The following SLC2A8 variants were observed in gnomAD, a reference collection of about 807,000 sequenced individuals.
SLC2A8 encodes solute carrier family 2, facilitated glucose transporter member 8.
In SLC2A8, 53 loss-of-function variants were observed where a neutral mutation model predicts 49.2. The ratio of observed to expected loss-of-function variants is 1.08; its 90% CI spans 0.86 to 1.35. SLC2A8 has a LOEUF of 1.35. Among genes scored for constraint, SLC2A8 ranks in the 40% most tolerant of loss-of-function variants. The pLI, the probability that SLC2A8 is intolerant of heterozygous loss-of-function variation, is 0.00. For missense variants in SLC2A8, 688 were observed against 671.7 expected, an observed-to-expected ratio of 1.02 and a Z score of -0.27; for synonymous variants, 299 against 297.0, an observed-to-expected ratio of 1.01 and a Z score of -0.07.
chr9:127,407,614 C>T lies in SLC2A8; in HGVS notation c.*365C>T. 5.4e-6 allele frequency: 2 copies of T among 369,958 alleles called. No individual in the cohort carries two copies. Among genetic ancestry groups the T allele is most frequent in the Middle Eastern group, 7.7e-4 (2 of 2,592 alleles). The allele number at this position is 369,958 out of a possible 1,614,324, so 22.9% of individuals were successfully genotyped here. ...GCATTCAGTCGCTCCTCTCACGCGG[C>T]TGCCTTATCGGGAAGGAAATTTGTT... On this transcript the variant is annotated 3_prime_UTR_variant, in exon 10 of 10. Coordinates refer to ENST00000373371, the MANE Select transcript of SLC2A8 (RefSeq NM_014580.5).
intron 8 of SLC2A8, 37 bp from the exon 9 acceptor site, chr9:127,405,383 G>A (rs548474242): frequency 1.2e-6 from 2 of 1,606,196 alleles, no homozygotes; most frequent in African/African-American, 2.7e-5. Flanking sequence ...CAGCCCTGCG[G>A]ACCCTGATGC....
At chr9:127,402,889 C>A in intron 5 of SLC2A8, 136 bp downstream of exon 5, 1 of 1,131,254 alleles carries the variant, frequency 8.8e-7, no homozygotes, top group Non-Finnish European at 1.2e-6. Context: ...TCAGCGAGGA[C>A]AGGCCCAGTG....
At chr9:127,397,773 AG>A in intron 2 of SLC2A8, 131 bp from the exon 3 acceptor site, 1 of 1,091,288 alleles carries the variant, frequency 9.2e-7, no homozygotes, top group Non-Finnish European at 1.2e-6. Context: ...CGGGCCCCTC[AG>A]CCCCCTACCC....
At position 127,402,707 on chromosome 9, in the gene SLC2A8, G is replaced by C. The variant is rs578108884; in HGVS notation, c.677G>C (p.Trp226Ser). ...GCCATGGCCGCCCTGCGGTTCCTGT[G>C]GGGCTCCGAGCAGGGCTGGGAAGAC... ...QEAMAALRFL[W>S]GSEQGWEDPP... Residue 226 changes from tryptophan (W) to serine (S), a missense_variant, in exon 5 of 10, where the codon TGG becomes TCG. Physicochemically the swap from Trp to Ser is radical, Grantham distance 177. Transcript: ENST00000373371. 5.1e-6 allele frequency: 8 copies of C among 1,561,612 alleles called. No homozygotes were observed. In the South Asian group the frequency reaches 9.4e-5, roughly 18 times the overall value.
chr9:127,403,614 C>T (rs370868603), intron 5 of SLC2A8, 46 bp from the exon 6 acceptor site: 100 of 1,609,308 alleles, frequency 6.2e-5, no homozygotes, highest in Non-Finnish European at 8.2e-5. Flanking sequence ...GGGCCGCTTG[C>T]GGGAGGGGAG....
rs980053877 is a variant in SLC2A8, at chr9:127,404,504, C to T, written c.977-314C>T. The T allele has an allele frequency of 8.9e-5, 33 of 370,270 alleles. No homozygotes were observed. In the South Asian group the frequency reaches 1.5e-3, roughly 17 times the overall value. 22.9% of individuals were successfully genotyped at this position (370,270 alleles called of 1,614,324 possible). On this transcript the variant is annotated intron_variant, in intron 7 of 9. Transcript: ENST00000373371. ...TGAGGCCTTCAGCAAGAGCTGCGGCCCACGGACATTTGGTACCCAGCAGCT... is the reference window on the plus strand; with the variant it reads ...TGAGGCCTTCAGCAAGAGCTGCGGCTCACGGACATTTGGTACCCAGCAGCT...
intron 4 of SLC2A8, among the ~76,000 whole-genome samples, chr9:127,400,590 C>G (rs1833247561): frequency 6.6e-6 from 1 of 152,152 alleles, no homozygotes; most frequent in African/African-American, 2.4e-5. Context: ...AGTGACAAAC[C>G]AGAGGGCTCC....
Position 127,397,299 on chromosome 9 carries a change from G to A in SLC2A8, c.56+13G>A, listed in dbSNP as rs757831801. The A allele has an allele frequency of 2.2e-6, 3 of 1,385,002 alleles. No individual in the cohort carries two copies. The highest frequency in any genetic ancestry group is 1.6e-5 in the South Asian group (1 of 61,348). 85.8% of individuals were successfully genotyped at this position (1,385,002 alleles called of 1,614,324 possible). ...CTCCTGGCGGCAGGTGAGCTCCGGG[G>A]AACCCGGGCCCGGATGCGGCCTCGC... On this transcript the variant is annotated intron_variant, in intron 1 of 9. Transcript: ENST00000373371.
rs1833093095 is a variant in SLC2A8, at chr9:127,397,766, G to A, written c.220-139G>A. On this transcript the variant is annotated intron_variant, in intron 2 of 9. Coordinates refer to ENST00000373371, the MANE Select transcript of SLC2A8 (RefSeq NM_014580.5). ...CCCCTCCCCTCGGGACGAGCACCGG[G>A]CCCCTCAGCCCCCTACCCCTCCCCT... 9 of 1,072,216 alleles carry A rather than the reference G, an allele frequency of 8.4e-6. No individual in the cohort carries two copies. The South Asian group carries it at 1.2e-4, about 15-fold the overall frequency. The allele number at this position is 1,072,216 out of a possible 1,614,324, so 66.4% of individuals were successfully genotyped here. A position where few individuals can be genotyped will look rare whatever the true frequency, so the allele number is the denominator to read the frequency against.
intron 3 of SLC2A8, chr9:127,398,402 T>C: frequency 1.3e-6 from 1 of 742,900 alleles, no homozygotes; most frequent in Non-Finnish European, 2.5e-6. Context: ...AACCCAGGGT[T>C]GTCCCACTTA....
At chr9:127,397,332 C>G in intron 1 of SLC2A8, 44 bp from the exon 2 acceptor site, 1 of 1,387,574 alleles carries the variant, frequency 7.2e-7, no homozygotes, top group South Asian at 1.6e-5. Context: ...CGCCCTCCCG[C>G]CCCTCCGCGT....
chr9:127,401,669 G>C (rs959665058), intron 4 of SLC2A8, among the ~76,000 whole-genome samples: 2 of 152,098 alleles, frequency 1.3e-5, no homozygotes, highest in African/African-American at 4.8e-5. Flanking sequence ...TGTGAGTTTC[G>C]ATCCACTGGG....
chr9:127,398,816 G>A (rs963272664), intron 3 of SLC2A8, among the ~76,000 whole-genome samples: 20 of 152,336 alleles, frequency 1.3e-4, no homozygotes, highest in African/African-American at 4.8e-4. Context: ...GGCATGGCTT[G>A]TAGAGGACTG....
In SLC2A8 at chr9:127,397,924, C is replaced by A; in HGVS notation, c.239C>A (p.Ala80Asp). 6.5e-7 allele frequency: 1 copy of A among 1,529,392 alleles called. No homozygotes were observed. The highest frequency in any genetic ancestry group is 8.7e-7 in the Non-Finnish European group (1 of 1,144,440). 94.7% of individuals were successfully genotyped at this position (1,529,392 alleles called of 1,614,324 possible). A position where few individuals can be genotyped will look rare whatever the true frequency, so the allele number is the denominator to read the frequency against. ...SWFGAVVTLG[A>D]AAGGVLGGWL... ...CTCCAGGCTGTCGTGACCCTGGGTG[C>A]CGCGGCGGGGGGAGTGCTGGGCGGC... Residue 80 changes from alanine (A) to aspartate (D), a missense_variant, in exon 3 of 10, where the codon GCC becomes GAC. Transcript: ENST00000373371.
At chr9:127,403,450 G>A in intron 5 of SLC2A8, 1 of 603,458 alleles carries the variant, frequency 1.7e-6, no homozygotes, top group Non-Finnish European at 2.9e-6. Context: ...CCACCTATCA[G>A]GAAGTGCCCT....
At position 127,407,217 on chromosome 9, in the gene SLC2A8, G is replaced by A. The variant is rs1235827100; in HGVS notation, c.1402G>A (p.Glu468Lys). 17 of 1,613,270 alleles carry A rather than the reference G, an allele frequency of 1.1e-5. No individual in the cohort carries two copies. The highest frequency in any genetic ancestry group is 2.7e-5 in the African/African-American group (2 of 74,912). Residue 468 changes from glutamate (E) to lysine (K), a missense_variant, in exon 10 of 10, where the codon GAA (glutamate) becomes AAA (lysine). By Grantham distance (56) the Glu-to-Lys change is moderately conservative. Transcript: ENST00000373371. ...CVPETKGKTL[E>K]QITAHFEGR is the part of the protein sequence containing the mutation. ...CCCTGAAACTAAAGGAAAGACTCTG[G>A]AACAAATCACAGCCCATTTTGAGGG...
chr9:127,399,443 C>CCA lies in SLC2A8; in HGVS notation c.427-463_427-462insAC, dbSNP rs1833184596. Among the ~76,000 whole-genome samples the CCA allele has an allele frequency of 6.6e-6, 1 of 152,130 alleles. No individual in the cohort carries two copies. The highest frequency in any genetic ancestry group is 1.5e-5 in the Non-Finnish European group (1 of 68,034). ...GGGGACCTGGGGATGGCTCTGCTCA[C>CCA]CTAGGCAGGTTCCACTAAGGGGCTT... On this transcript the variant is annotated intron_variant, in intron 3 of 9. Transcript: ENST00000373371. The surrounding 1 kb of genome is among the most constrained non-coding windows in gnomAD (Gnocchi z 4.2).
chr9:127,403,433 C>T (rs1833367718), intron 5 of SLC2A8: 2 of 586,760 alleles, frequency 3.4e-6, no homozygotes, highest in African/African-American at 1.9e-5. Context: ...CTCTTTGTGG[C>T]TCCCCCCCAC....
Position 127,403,764 on chromosome 9 carries a change from G to A in SLC2A8, c.828G>A (p.Met276Ile). ...AGCTGTCGGGGGTCAACGCCGTCAT[G>A]TTCTATGCAGAGACCATCTTTGAAG... Reference protein sequence around the residue: ...FQQLSGVNAVMFYAETIFEEA... With the variant: ...FQQLSGVNAVIFYAETIFEEA... The change falls in exon 6 of 10, where the codon ATG becomes ATA. Residue 276 changes from methionine (M) to isoleucine (I), a missense_variant. Met to Ile is a conservative substitution (Grantham distance 10). Coordinates refer to ENST00000373371, the MANE Select transcript of SLC2A8 (RefSeq NM_014580.5). The A allele has an allele frequency of 1.2e-6, 2 of 1,613,240 alleles. No individual in the cohort carries two copies. Among genetic ancestry groups the A allele is most frequent in the Non-Finnish European group, 1.7e-6 (2 of 1,179,954 alleles).
Sources: allele counts gnomAD v4.1 joint callset (sites outside exome capture counted in the v4.1 genomes callset), GRCh38; gene constraint gnomAD v4.1.1; non-coding constraint Gnocchi (gnomAD v3.1); transcripts MANE v1.5; gene names NCBI Gene and HGNC (gene_info 2026-07-23, HGNC 2026-07-21).